BEAN1: variants seen among roughly 807,000 people sequenced by gnomAD.
BEAN1 encodes protein BEAN1.
In BEAN1, 17 loss-of-function variants were observed where a neutral mutation model predicts 17.7. The ratio of observed to expected loss-of-function variants is 0.96; its 90% CI spans 0.66 to 1.44. BEAN1 has a LOEUF of 1.44. Ranked by LOEUF, BEAN1 falls within the 40% of genes most tolerant of loss-of-function variation. The pLI is 0.00. For missense variants in BEAN1, 359 were observed against 374.1 expected, an observed-to-expected ratio of 0.96 and a Z score of 0.33; for synonymous variants, 142 against 151.8, an observed-to-expected ratio of 0.94 and a Z score of 0.47.
chr16:66,441,053 G>A (rs1962236121), intron 2 of BEAN1, among the ~76,000 whole-genome samples: 1 of 152,156 alleles, frequency 6.6e-6, no homozygotes, highest in African/African-American at 2.4e-5. Context: ...CATTCATTAA[G>A]TCTCTTCTGC....
intron 2 of BEAN1, among the ~76,000 whole-genome samples, chr16:66,443,825 T>A (rs1332440148): frequency 6.6e-6 from 1 of 151,988 alleles, no homozygotes; most frequent in Admixed American, 6.6e-5. Flanking sequence ...CAGGTGCCCA[T>A]CACCACCCCC....
At position 66,480,834 on chromosome 16, in the gene BEAN1, C is replaced by T. The variant is rs1963961014; in HGVS notation, c.689C>T (p.Pro230Leu). 6.5e-7 allele frequency: 1 copy of T among 1,531,254 alleles called. No homozygotes were observed. 94.9% of individuals were successfully genotyped at this position (1,531,254 alleles called of 1,614,324 possible). A position where few individuals can be genotyped will look rare whatever the true frequency, so the allele number is the denominator to read the frequency against. ...CGAGPPSGLL[P>L]LPGPDPGPRG... is the part of the protein sequence containing the mutation. ...GCTGGCCCCCCATCAGGCCTGCTGC[C>T]ACTGCCGGGCCCAGACCCAGGGCCA... The change falls in exon 5 of 5, where the codon CCA becomes CTA. Residue 230 changes from proline to leucine, a missense_variant. By Grantham distance (98) the Pro-to-Leu change is moderately conservative (BLOSUM62 -3). Transcript: ENST00000536005.
At chr16:66,492,815 TCC>T in intron 4 of BEAN1, 1 of 603,436 alleles carries the variant, frequency 1.7e-6, no homozygotes. Context: ...GGCCAGGCTT[TCC>T]TTTGGCCAAA....
chr16:66,435,708 C>T (rs1015098369), intron 1 of BEAN1, among the ~76,000 whole-genome samples: 4 of 152,070 alleles, frequency 2.6e-5, no homozygotes, highest in African/African-American at 7.2e-5. Flanking sequence ...AGGATGGTCT[C>T]GATCTCCTGA....
chr16:66,436,882 T>G (rs957869763), intron 1 of BEAN1, among the ~76,000 whole-genome samples: 3 of 152,222 alleles, frequency 2.0e-5, no homozygotes, highest in Admixed American at 6.5e-5. Flanking sequence ...ATTTTCATTC[T>G]GTAGGCCTTT....
chr16:66,480,716 G>C lies in BEAN1; in HGVS notation c.571G>C (p.Gly191Arg). ...CGACTCAGGCAGCGGCCACAGCCCTGGCCGACACCAGCAGGAGCAGAGGAC... is the reference window on the plus strand; with the variant it reads ...CGACTCAGGCAGCGGCCACAGCCCTCGCCGACACCAGCAGGAGCAGAGGAC... ...TSDSGSGHSP[G>R]RHQQEQRTPA... Residue 191 changes from glycine to arginine, a missense_variant, in exon 5 of 5, where the codon GGC becomes CGC. Physicochemically the swap from Gly to Arg is moderately radical, Grantham distance 125 (BLOSUM62 -2). Transcript: ENST00000536005. 6.4e-7 allele frequency: 1 copy of C among 1,551,668 alleles called. No homozygotes were observed. The highest frequency in any genetic ancestry group is 1.2e-5 in the South Asian group (1 of 84,060).
At chr16:66,435,766 C>A (rs1162428619) in intron 1 of BEAN1, among the ~76,000 whole-genome samples, 1 of 152,172 alleles carries the variant, frequency 6.6e-6, no homozygotes, top group Non-Finnish European at 1.5e-5. Flanking sequence ...GGATTACAAG[C>A]ATGAGCCACC....
At chr16:66,441,364 C>G (rs1197424118) in intron 2 of BEAN1, among the ~76,000 whole-genome samples, 3 of 152,174 alleles carry the variant, frequency 2.0e-5, no homozygotes, top group Admixed American at 6.5e-5. Context: ...CCGGAAATCC[C>G]AGGAGGGCAC....
Position 66,482,050 on chromosome 16 carries a change from C to T in BEAN1, c.*1125C>T, listed in dbSNP as rs1479555659. 1.3e-5 allele frequency: 2 copies of T among 152,282 alleles called. No homozygotes were observed. Among genetic ancestry groups the T allele is most frequent in the Non-Finnish European group, 2.9e-5 (2 of 68,076 alleles). 9.4% of individuals were successfully genotyped at this position (152,282 alleles called of 1,614,324 possible). A position where few individuals can be genotyped will look rare whatever the true frequency, so the allele number is the denominator to read the frequency against. ...CAAGAGGACCAGAAGGCTACTCAGC[C>T]TTGCTGCCACAGAAGGGGATTTGTA... On this transcript the variant is annotated 3_prime_UTR_variant, in exon 5 of 5. Transcript: ENST00000536005.
chr16:66,447,341 G>A (rs931376821), intron 2 of BEAN1, among the ~76,000 whole-genome samples: 9 of 152,300 alleles, frequency 5.9e-5, no homozygotes, highest in South Asian at 2.1e-4. Flanking sequence ...TGGAGCAAAC[G>A]TATTTCAATC....
intron 3 of BEAN1, chr16:66,470,115 C>G (rs569413368): frequency 5.1e-6 from 3 of 592,156 alleles, no homozygotes; most frequent in South Asian, 4.4e-5. Context: ...GTGTGTCACT[C>G]CTCCCCTGCC....
intron 4 of BEAN1, among the ~76,000 whole-genome samples, chr16:66,488,518 CAA>C (rs35976761): frequency 4.1e-5 from 2 of 49,250 alleles, no homozygotes; most frequent in African/African-American, 7.2e-5. Context: ...TTATCACTAC[CAA>C]AAAAAAAAAA....
intron 3 of BEAN1, among the ~76,000 whole-genome samples, chr16:66,474,610 GAGGGAGGA>G (rs1303956474): frequency 1.2e-3 from 15 of 12,384 alleles, no homozygotes; most frequent in Non-Finnish European, 1.9e-3. Flanking sequence ...GGGAGAGAGG[GAGGGAGGA>G]AGGGAGGGAG....
chr16:66,487,134 C>T (rs866411505), downstream of BEAN1, among the ~76,000 whole-genome samples: 1 of 152,224 alleles, frequency 6.6e-6, no homozygotes, highest in African/African-American at 2.4e-5. Flanking sequence ...TGTGGACTTA[C>T]AAGACTCTTC....
In BEAN1 at chr16:66,473,905, C is replaced by T. The variant is rs2142444438; in HGVS notation, c.290-3655C>T. On this transcript the variant is annotated intron_variant, in intron 3 of 4. Coordinates refer to ENST00000536005, the MANE Select transcript of BEAN1 (RefSeq NM_001178020.3). The surrounding 1 kb of genome is among the most constrained non-coding windows in gnomAD (Gnocchi z 4.5). Reference sequence around the variant, plus strand: ...CTCTGTCCCTTTATAAGTCAAGGTCCCTCAGATCCCACACCTTGGTCCTGG... The same window carrying T: ...CTCTGTCCCTTTATAAGTCAAGGTCTCTCAGATCCCACACCTTGGTCCTGG... 6.6e-6 allele frequency among the ~76,000 whole-genome samples: 1 copy of T among 152,118 alleles called. No homozygotes were observed. Among genetic ancestry groups the T allele is most frequent in the South Asian group, 2.1e-4 (1 of 4,816 alleles).
Position 66,480,577 on chromosome 16 carries a change from C to A in BEAN1, c.441-9C>A. On this transcript the variant is annotated splice_polypyrimidine_tract_variant and intron_variant, in intron 4 of 4. Transcript: ENST00000536005. ...AGGTGGGGCACTGAGGGAGCCTCTTCTCTCGTAGCTACGAGGAGTGTGTGG... is the reference window on the plus strand; with the variant it reads ...AGGTGGGGCACTGAGGGAGCCTCTTATCTCGTAGCTACGAGGAGTGTGTGG... The A allele has an allele frequency of 6.6e-7, 1 of 1,518,152 alleles. No homozygotes were observed. The highest frequency in any genetic ancestry group is 8.9e-7 in the Non-Finnish European group (1 of 1,123,736). The allele number at this position is 1,518,152 out of a possible 1,614,324, so 94.0% of individuals were successfully genotyped here.
chr16:66,461,308 G>A lies in BEAN1; in HGVS notation c.26-8294G>A, dbSNP rs901861607. Among the ~76,000 whole-genome samples, 11 of 152,096 alleles carry A rather than the reference G, an allele frequency of 7.2e-5. No homozygotes were observed. The East Asian group carries it at 1.2e-3, about 16-fold the overall frequency. On this transcript the variant is annotated intron_variant, in intron 2 of 4. Coordinates refer to ENST00000536005, the MANE Select transcript of BEAN1 (RefSeq NM_001178020.3). ...AATTTCCCTCATAATTTAAAGCAGC[G>A]CCTACCTCTGCCGGTTGTGGTGACT... is the stretch of plus-strand genomic sequence containing the variant.
intron 4 of BEAN1, among the ~76,000 whole-genome samples, 192 bp from the exon 5 acceptor site, chr16:66,480,394 A>G (rs2142468927): frequency 6.6e-6 from 1 of 152,294 alleles, no homozygotes; most frequent in East Asian, 1.9e-4. Context: ...TCCCAAATCC[A>G]GGTCCCAGGG....
intron 2 of BEAN1, among the ~76,000 whole-genome samples, chr16:66,438,975 G>T (rs1026451963): frequency 1.3e-5 from 2 of 152,084 alleles, no homozygotes; most frequent in Admixed American, 1.3e-4. Context: ...TCCCCAACTC[G>T]CCATTGTCTG....
Sources: allele counts gnomAD v4.1 joint callset (sites outside exome capture counted in the v4.1 genomes callset), GRCh38; gene constraint gnomAD v4.1.1; non-coding constraint Gnocchi (gnomAD v3.1); transcripts MANE v1.5; gene names NCBI Gene and HGNC (gene_info 2026-07-23, HGNC 2026-07-21).